Variants in AKAIN1 observed in about 807,000 individuals in gnomAD.
AKAIN1 encodes A-kinase anchor inhibitor 1.
Under a neutral mutation model 3.7 loss-of-function variants are expected in AKAIN1, and 3 were observed. The ratio of observed to expected loss-of-function variants is 0.82; its 90% confidence interval spans 0.37 to 2.12. AKAIN1 has a LOEUF of 2.12. Ranked by LOEUF, AKAIN1 falls within the 30% of genes most tolerant of loss-of-function variation. The probability of loss-of-function intolerance (pLI) is 0.06; values close to 1 mark genes in which losing one functional copy is unlikely to be tolerated. For missense variants in AKAIN1, 82 were observed against 82.7 expected (o/e 0.99, Z 0.03); for synonymous variants, 31 against 30.8 (o/e 1.01, Z -0.02).
At chr18:5,168,299 C>T (rs373215941) in intron 1 of AKAIN1, among the ~76,000 whole-genome samples, 14 of 152,058 alleles carry the variant, frequency 9.2e-5, no homozygotes, top group Non-Finnish European at 1.8e-4. Flanking sequence ...ATTATTTTGC[C>T]GTGGCTTGAA....
At chr18:5,196,981 C>T in intron 1 of AKAIN1, 57 bp downstream of exon 1, 3 of 1,449,060 alleles carry the variant, frequency 2.1e-6, no homozygotes, top group Middle Eastern at 1.7e-4. Flanking sequence ...CTCTCCTCTC[C>T]GTCCTCTACC....
intron 1 of AKAIN1, among the ~76,000 whole-genome samples, chr18:5,189,345 C>T (rs906594402): frequency 6.6e-6 from 1 of 152,172 alleles, no homozygotes; most frequent in Non-Finnish European, 1.5e-5. Flanking sequence ...GATGACTTGG[C>T]CACAGCATTC....
chr18:5,180,872 CCA>C (rs2071253824), intron 1 of AKAIN1, among the ~76,000 whole-genome samples: 1 of 152,082 alleles, frequency 6.6e-6, no homozygotes, highest in South Asian at 2.1e-4. Flanking sequence ...GATGTGGATT[CCA>C]TAGAGCCCTC....
chr18:5,166,859 T>G (rs2071170545), intron 1 of AKAIN1, among the ~76,000 whole-genome samples: 1 of 152,116 alleles, frequency 6.6e-6, no homozygotes, highest in South Asian at 2.1e-4. Flanking sequence ...TGTAGACACT[T>G]TTTAAACATG....
intron 1 of AKAIN1, among the ~76,000 whole-genome samples, chr18:5,164,014 T>TCTAA (rs2143335475): frequency 6.6e-6 from 1 of 152,138 alleles, no homozygotes; most frequent in South Asian, 2.1e-4. Context: ...AGGGTGTACT[T>TCTAA]CTATCAAGTG....
At chr18:5,172,816 T>C (rs1378576743) in intron 1 of AKAIN1, among the ~76,000 whole-genome samples, 2 of 152,012 alleles carry the variant, frequency 1.3e-5, no homozygotes, top group African/African-American at 2.4e-5. Flanking sequence ...CTAAGGAACA[T>C]TTTAAGACTT....
In AKAIN1 at chr18:5,155,506, C is replaced by T. The variant is rs149309872; in HGVS notation, c.17-9751G>A. Among the ~76,000 whole-genome samples the T allele has an allele frequency of 7.9e-3, 1,200 of 152,308 alleles. 6 individuals carry two copies. Among genetic ancestry groups the T allele is most frequent in the Non-Finnish European group, 0.013 (863 of 68,026 alleles). On this transcript the variant is annotated intron_variant, in intron 1 of 1. Coordinates refer to ENST00000434239, the MANE Select transcript of AKAIN1 (RefSeq NM_001145194.2). ...CCCCGAAAGTGTCCGTTTCTGGCCT[C>T]TCATCCGCGGCTGCACTGCCCAGAC...
At chr18:5,189,214 C>G (rs1321645372) in intron 1 of AKAIN1, among the ~76,000 whole-genome samples, 6 of 152,140 alleles carry the variant, frequency 3.9e-5, no homozygotes, top group African/African-American at 1.2e-4. Flanking sequence ...TCTTAAAGCT[C>G]TCAGCCAGGG....
rs73943133 is a variant in AKAIN1, at chr18:5,172,621, C to T, written c.16+24417G>A. Among the ~76,000 whole-genome samples the T allele has an allele frequency of 4.8e-3, 729 of 151,838 alleles. 3 individuals carry two copies. Among genetic ancestry groups the T allele is most frequent in the African/African-American group, 0.016 (673 of 41,430 alleles). On this transcript the variant is annotated intron_variant, in intron 1 of 1. Coordinates refer to ENST00000434239, the MANE Select transcript of AKAIN1 (RefSeq NM_001145194.2). The stretch of plus-strand genomic sequence containing the variant: ...CTCTAAGAAATTATTTTACCAAAGG[C>T]TAAATGATTGCTGACAACATATTTT...
At chr18:5,172,703 A>G (rs976258938) in intron 1 of AKAIN1, among the ~76,000 whole-genome samples, 4 of 151,718 alleles carry the variant, frequency 2.6e-5, no homozygotes, top group African/African-American at 9.7e-5. Flanking sequence ...TCTTTTATTT[A>G]TATTTATTAA....
chr18:5,161,817 G>T (rs917909044), intron 1 of AKAIN1, among the ~76,000 whole-genome samples: 1 of 151,960 alleles, frequency 6.6e-6, no homozygotes, highest in Non-Finnish European at 1.5e-5. Context: ...TATTAATATT[G>T]CAAAGCACAC....
At position 5,197,128 on chromosome 18, in the gene AKAIN1, T is replaced by G; in HGVS notation, c.-75A>C. The stretch of plus-strand genomic sequence containing the variant: ...ACGGAGGATGGGAAGAAGGCCGGAC[T>G]TGGCGGGGTCCGGTGCAGGAGGGCG... On this transcript the variant is annotated 5_prime_UTR_variant, in exon 1 of 2. Transcript: ENST00000434239. The surrounding 1 kb of genome is among the most constrained non-coding windows in gnomAD (Gnocchi z 6.9). 1.3e-6 allele frequency: 2 copies of G among 1,546,572 alleles called. No homozygotes were observed. The highest frequency in any genetic ancestry group is 2.4e-5 in the South Asian group (2 of 83,950).
rs2071035400 is a variant in AKAIN1, at chr18:5,144,059, T to C, written c.*1503A>G. ...TGAATTCTGCTAAAAGAAATACTTG[T>C]GAGTAAACAATCTTTAAATTTTAAG... On this transcript the variant is annotated 3_prime_UTR_variant, in exon 2 of 2. Transcript: ENST00000434239. Among the ~76,000 whole-genome samples the C allele has an allele frequency of 6.6e-6, 1 of 152,224 alleles. No individual in the cohort carries two copies. The highest frequency in any genetic ancestry group is 2.1e-4 in the South Asian group (1 of 4,834).
At chr18:5,164,424 A>G (rs190685267) in intron 1 of AKAIN1, among the ~76,000 whole-genome samples, 22 of 152,212 alleles carry the variant, frequency 1.4e-4, no homozygotes, top group Admixed American at 4.6e-4. Flanking sequence ...TATTTTACCA[A>G]TAGAATGCTT....
intron 1 of AKAIN1, among the ~76,000 whole-genome samples, chr18:5,182,455 A>G (rs1240190040): frequency 6.6e-6 from 1 of 152,110 alleles, no homozygotes; most frequent in African/African-American, 2.4e-5. Flanking sequence ...TTCATTTTTC[A>G]AATAGGCATA....
At chr18:5,158,895 T>C (rs2071123306) in intron 1 of AKAIN1, among the ~76,000 whole-genome samples, 1 of 152,130 alleles carries the variant, frequency 6.6e-6, no homozygotes. Context: ...AACTACAAAA[T>C]ACAGGTGAAA....
chr18:5,145,028 C>T lies in AKAIN1; in HGVS notation c.*534G>A, dbSNP rs766454173. ...ATTAGTAAATGCCTTGGTATGGTCCCGAGGGACTCAGCCTTAGAATTTCCC... is the reference window on the plus strand; with the variant it reads ...ATTAGTAAATGCCTTGGTATGGTCCTGAGGGACTCAGCCTTAGAATTTCCC... On this transcript the variant is annotated 3_prime_UTR_variant, in exon 2 of 2. Coordinates refer to ENST00000434239, the MANE Select transcript of AKAIN1 (RefSeq NM_001145194.2). Among the ~76,000 whole-genome samples the T allele has an allele frequency of 3.9e-5, 6 of 152,120 alleles. No individual in the cohort carries two copies. The highest frequency in any genetic ancestry group is 5.9e-5 in the Non-Finnish European group (4 of 68,026).
At chr18:5,179,875 C>T (rs758450130) in intron 1 of AKAIN1, among the ~76,000 whole-genome samples, 7 of 152,108 alleles carry the variant, frequency 4.6e-5, no homozygotes, top group African/African-American at 1.2e-4. Context: ...GGTATATTTA[C>T]GTACCTAAAA....
intron 1 of AKAIN1, among the ~76,000 whole-genome samples, chr18:5,187,986 A>G (rs2071297074): frequency 6.6e-6 from 1 of 152,158 alleles, no homozygotes; most frequent in African/African-American, 2.4e-5. Context: ...TGCATAGGAT[A>G]GGCATTCCCA....
Sources: gnomAD v4.1 joint callset for allele counts (sites outside exome capture counted in the v4.1 genomes callset) on GRCh38, gnomAD v4.1.1 for gene constraint, Gnocchi (gnomAD v3.1) non-coding constraint, MANE v1.5 for transcripts, NCBI Gene and HGNC (gene_info 2026-07-23, HGNC 2026-07-21) for gene names.